GPR20: variants seen among roughly 807,000 people sequenced by gnomAD.
The protein encoded by GPR20 is CTD-3064M3.3.
For synonymous variants in GPR20, 241 were observed against 241.9 expected, an observed-to-expected ratio of 1.00 and a Z score of 0.04; for missense variants, 494 against 527.4, an observed-to-expected ratio of 0.94 and a Z score of 0.62.
rs557693504 is a variant in GPR20 at position 141,357,134 on chromosome 8, C to T, written c.790G>A (p.Val264Met). The change falls in exon 2 of 2, where the codon GTG (valine) becomes ATG (methionine). Residue 264 changes from valine to methionine, a missense_variant. Transcript: ENST00000377741. ...TGTGGCATGTCGGGCCACAGCGCCA[C>T]GGCCACTTGGCGGGCGTGGAAGGGC... ...FTPFHARQVA[V>M]ALWPDMPHHT... 15 of 1,611,106 alleles carry T rather than the reference C, an allele frequency of 9.3e-6. No homozygotes were observed. The highest frequency in any genetic ancestry group is 4.5e-5 in the East Asian group (2 of 44,876).
At chr8:141,360,469 C>T (rs1831716462) in intron 1 of GPR20, among the ~76,000 whole-genome samples, 1 of 152,242 alleles carries the variant, frequency 6.6e-6, no homozygotes, top group South Asian at 2.1e-4. Flanking sequence ...CTGCCCTCCT[C>T]TCCCAGCTTC....
At position 141,356,982 on chromosome 8, in the gene GPR20, C is replaced by T. The variant is rs761810841; in HGVS notation, c.942G>A (p.Gln314=). ...FQATVRGLFG[Q]HGEREPSSGD... ...CGCTGCTGGGCTCACGCTCTCCGTG[C>T]TGGCCGAAGAGGCCTCGGACGGTGG... Residue 314 remains glutamine, a synonymous_variant, in exon 2 of 2, where the codon CAG becomes CAA. Transcript: ENST00000377741. 2.5e-6 allele frequency: 4 copies of T among 1,613,070 alleles called. No individual in the cohort carries two copies. In the South Asian group the frequency reaches 4.4e-5, roughly 18 times the overall value.
At chr8:141,359,677 C>T (rs866247818) in intron 1 of GPR20, among the ~76,000 whole-genome samples, 12 of 152,164 alleles carry the variant, frequency 7.9e-5, no homozygotes, top group Admixed American at 2.0e-4. Context: ...CCACCAGAGA[C>T]GGGATTTGGG....
intron 1 of GPR20, among the ~76,000 whole-genome samples, chr8:141,366,209 C>T (rs937223624): frequency 3.3e-5 from 5 of 152,254 alleles, no homozygotes; most frequent in Admixed American, 1.3e-4. Flanking sequence ...GGGCCCACAC[C>T]GTGTGGCTCA....
chr8:141,366,864 A>T (rs1831820947), intron 1 of GPR20, among the ~76,000 whole-genome samples: 1 of 152,314 alleles, frequency 6.6e-6, no homozygotes, highest in South Asian at 2.1e-4. Flanking sequence ...CACCCAGCAG[A>T]TGCTCGGTGA....
At chr8:141,364,819 G>A (rs554821725) in intron 1 of GPR20, among the ~76,000 whole-genome samples, 1 of 150,856 alleles carries the variant, frequency 6.6e-6, no homozygotes, top group Non-Finnish European at 1.5e-5. Context: ...GGAGGGGCAT[G>A]GCCAGTTGGA....
intron 1 of GPR20, among the ~76,000 whole-genome samples, chr8:141,362,212 A>T (rs1435529484): frequency 6.6e-6 from 1 of 152,094 alleles, no homozygotes; most frequent in Non-Finnish European, 1.5e-5. Flanking sequence ...CGGCTTATTC[A>T]TGCCCATTTT....
rs146982607 is a variant in GPR20 at position 141,365,014 on chromosome 8, G to A, written c.-25+2187C>T. On this transcript the variant is annotated intron_variant, in intron 1 of 1. Coordinates refer to ENST00000377741, the MANE Select transcript of GPR20 (RefSeq NM_005293.3). ...TGCCTGGCCTCAGCCTGGTCCTTCCGCCTGAAGCTCCTCAGCCTGGTCCTC... is the reference window on the plus strand; with the variant it reads ...TGCCTGGCCTCAGCCTGGTCCTTCCACCTGAAGCTCCTCAGCCTGGTCCTC... Among the ~76,000 whole-genome samples, 1,159 of 152,300 alleles carry A rather than the reference G, an allele frequency of 7.6e-3. 5 individuals carry two copies. Among genetic ancestry groups the A allele is most frequent in the African/African-American group, 0.026 (1,075 of 41,554 alleles).
chr8:141,362,178 A>G (rs1421239043), intron 1 of GPR20, among the ~76,000 whole-genome samples: 1 of 152,164 alleles, frequency 6.6e-6, no homozygotes, highest in Non-Finnish European at 1.5e-5. Flanking sequence ...GCCCAACCCC[A>G]AGCTGTTCCT....
At chr8:141,360,529 G>T (rs1244111950) in intron 1 of GPR20, among the ~76,000 whole-genome samples, 1 of 152,218 alleles carries the variant, frequency 6.6e-6, no homozygotes, top group African/African-American at 2.4e-5. Context: ...GCCTCCCACA[G>T]CGACGGATGT....
Position 141,357,229 on chromosome 8 carries a change from C to G in GPR20, c.695G>C (p.Gly232Ala). 1 of 1,556,926 alleles carries G rather than the reference C, an allele frequency of 6.4e-7. No homozygotes were observed. Among genetic ancestry groups the G allele is most frequent in the Non-Finnish European group, 8.7e-7 (1 of 1,154,408 alleles). ...ALSRPGLLHQGRQRRVRAMQL... is the reference protein window; with the variant it reads ...ALSRPGLLHQARQRRVRAMQL... Reference sequence around the variant, plus strand: ...CATGGCCCGCACGCGGCGCTGGCGACCCTGGTGGAGCAGACCCGGCCGCGA... The same window carrying G: ...CATGGCCCGCACGCGGCGCTGGCGAGCCTGGTGGAGCAGACCCGGCCGCGA... The change falls in exon 2 of 2, where the codon GGT becomes GCT. Residue 232 changes from glycine to alanine, a missense_variant. Physicochemically the swap from Gly to Ala is moderately conservative, Grantham distance 60. Transcript: ENST00000377741.
intron 1 of GPR20, among the ~76,000 whole-genome samples, chr8:141,359,364 TCGG>T (rs1831699870): frequency 6.6e-6 from 1 of 152,184 alleles, no homozygotes; most frequent in Non-Finnish European, 1.5e-5. Flanking sequence ...GTCCCTCCAG[TCGG>T]CGGCCACCTT....
intron 1 of GPR20, among the ~76,000 whole-genome samples, chr8:141,361,229 C>A (rs1265149385): frequency 1.3e-5 from 2 of 152,204 alleles, no homozygotes; most frequent in Admixed American, 6.5e-5. Context: ...CTCTGCTCCC[C>A]ACCCACACAC....
chr8:141,357,165 G>T lies in GPR20; in HGVS notation c.759C>A (p.Cys253Ter). 6.2e-7 allele frequency: 1 copy of T among 1,606,974 alleles called. No homozygotes were observed. The change falls in exon 2 of 2, where the codon TGC (cysteine) becomes TGA (stop). Residue 253 changes from cysteine to a stop codon, truncating the protein, a stop_gained. Transcript: ENST00000377741. LOFTEE classifies it low-confidence loss of function (END_TRUNC). ...LLTVLIIFLV[C>*]FTPFHARQVA... Reference sequence around the variant, plus strand: ...CTTGGCGGGCGTGGAAGGGCGTGAAGCAGACGAGAAAGATGATGAGCACCG... The same window carrying T: ...CTTGGCGGGCGTGGAAGGGCGTGAATCAGACGAGAAAGATGATGAGCACCG...
chr8:141,361,085 G>A (rs934582505), intron 1 of GPR20, among the ~76,000 whole-genome samples: 3 of 152,252 alleles, frequency 2.0e-5, no homozygotes, highest in East Asian at 3.8e-4. Flanking sequence ...ACTCCATGGC[G>A]GGGGCCAACT....
At position 141,357,160 on chromosome 8, in the gene GPR20, G is replaced by A. The variant is rs1370642890; in HGVS notation, c.764C>T (p.Thr255Met). 11 of 1,608,214 alleles carry A rather than the reference G, an allele frequency of 6.8e-6. No individual in the cohort carries two copies. Among genetic ancestry groups the A allele is most frequent in the Non-Finnish European group, 9.3e-6 (11 of 1,179,170 alleles). ...TVLIIFLVCF[T>M]PFHARQVAVA... ...GGCCACTTGGCGGGCGTGGAAGGGC[G>A]TGAAGCAGACGAGAAAGATGATGAG... Residue 255 changes from threonine (T) to methionine (M), a missense_variant, in exon 2 of 2, where the codon ACG becomes ATG. Coordinates refer to ENST00000377741, the MANE Select transcript of GPR20 (RefSeq NM_005293.3).
intron 1 of GPR20, among the ~76,000 whole-genome samples, chr8:141,366,945 C>T (rs1185396316): frequency 2.0e-5 from 3 of 152,176 alleles, no homozygotes; most frequent in African/African-American, 7.2e-5. Flanking sequence ...CAGCGCAGCT[C>T]CCCCTTATGC....
chr8:141,363,595 G>A (rs558648361), intron 1 of GPR20, among the ~76,000 whole-genome samples: 37 of 152,360 alleles, frequency 2.4e-4, no homozygotes, highest in Non-Finnish European at 4.4e-4. Context: ...CTGGGCACCC[G>A]GCCATGGAAG....
chr8:141,362,905 GCCACA>G (rs1831756886), intron 1 of GPR20, among the ~76,000 whole-genome samples: 1 of 151,922 alleles, frequency 6.6e-6, no homozygotes, highest in Non-Finnish European at 1.5e-5. Flanking sequence ...AGGTGCCCGT[GCCACA>G]CCTGGGTAAT....
Sources: allele counts gnomAD v4.1 joint callset (sites outside exome capture counted in the v4.1 genomes callset), GRCh38; gene constraint gnomAD v4.1.1; transcripts MANE v1.5; gene names NCBI Gene and HGNC (gene_info 2026-07-23, HGNC 2026-07-21).